The following GOT1L1 variants were observed in gnomAD, a reference collection of about 807,000 sequenced individuals.
The protein encoded by GOT1L1 is glutamic-oxaloacetic transaminase 1 like 1.
In GOT1L1, 38 loss-of-function variants were observed where a neutral mutation model predicts 43.6. The ratio of observed to expected loss-of-function variants is 0.87; its 90% CI spans 0.67 to 1.14. The LOEUF is 1.14. Ranked by LOEUF, GOT1L1 falls within the 50% of genes most tolerant of loss-of-function variation. The pLI, the probability that GOT1L1 is intolerant of heterozygous loss-of-function variation, is 0.00. For synonymous variants in GOT1L1, 183 were observed against 187.2 expected, an observed-to-expected ratio of 0.98 and a Z score of 0.18; for missense variants, 482 against 504.0, an observed-to-expected ratio of 0.96 and a Z score of 0.42.
rs201527994 is a variant in GOT1L1 at position 37,935,749 on chromosome 8, C to T, written c.884G>A (p.Arg295His). 141 of 1,610,628 alleles carry T rather than the reference C, an allele frequency of 8.8e-5. No individual in the cohort carries two copies. Among genetic ancestry groups the T allele is most frequent in the Non-Finnish European group, 1.0e-4 (121 of 1,178,422 alleles). The change falls in exon 7 of 9, where the codon CGT becomes CAT. Residue 295 changes from arginine to histidine, a missense_variant. By Grantham distance (29) the Arg-to-His change is conservative. Transcript: ENST00000307599. ...GTTGCAGAGGATGGAGGTGATGACACGTGCACCCGTGTTGGGGGGGTTTAG... is the reference window on the plus strand; with the variant it reads ...GTTGCAGAGGATGGAGGTGATGACATGTGCACCCGTGTTGGGGGGGTTTAG... ...LWLNPPNTGA[R>H]VITSILCNPA... is the part of the protein sequence containing the mutation.
At chr8:37,934,574 T>A (rs1807695293) in intron 8 of GOT1L1, 88 bp from the exon 9 acceptor site, 1 of 931,448 alleles carries the variant, frequency 1.1e-6, no homozygotes, top group Admixed American at 2.1e-5. Context: ...TATTTTTTTA[T>A]TGATTGATTG....
Position 37,935,830 on chromosome 8 carries a change from T to C in GOT1L1, c.803A>G (p.Asn268Ser). 1 of 1,613,158 alleles carries C rather than the reference T, an allele frequency of 6.2e-7. No individual in the cohort carries two copies. Among genetic ancestry groups the C allele is most frequent in the Non-Finnish European group, 8.5e-7 (1 of 1,179,528 alleles). ...VGMLVVVAVN[N>S]QQLLCVLSQL... ...GGAGAGGACACACAGCAGCTGCTGG[T>C]TGTTGACTGCCACCACCACTAGCAT... is the stretch of plus-strand genomic sequence containing the variant. Residue 268 changes from asparagine (N) to serine (S), a missense_variant, in exon 7 of 9, where the codon AAC becomes AGC. Transcript: ENST00000307599.
intron 6 of GOT1L1, 129 bp downstream of exon 6, chr8:37,936,591 T>G (rs1375198814): frequency 1.3e-6 from 1 of 779,056 alleles, no homozygotes; most frequent in Non-Finnish European, 2.0e-6. Flanking sequence ...GCTCCCCACT[T>G]CTGCTTCTAT....
In GOT1L1 at chr8:37,937,126, G is replaced by T. The variant is rs1203184936; in HGVS notation, c.520-69C>A. ...AGTGGCGGCCCCAGGGCATTTGGGG[G>T]TGAAGTGCTCCTCCATGTTAGTTAC... On this transcript the variant is annotated intron_variant, in intron 4 of 8. Transcript: ENST00000307599. The T allele has an allele frequency of 5.5e-6, 8 of 1,452,258 alleles. No individual in the cohort carries two copies. In the East Asian group the frequency reaches 1.6e-4, roughly 29 times the overall value. The allele number at this position is 1,452,258 out of a possible 1,614,324, so 90.0% of individuals were successfully genotyped here.
chr8:37,934,612 C>T (rs1324597541), intron 8 of GOT1L1, 126 bp from the exon 9 acceptor site: 1 of 760,862 alleles, frequency 1.3e-6, no homozygotes, highest in Non-Finnish European at 2.2e-6. Flanking sequence ...CTCTTGTTGC[C>T]CAGGCTGGAG....
intron 3 of GOT1L1, 89 bp from the exon 4 acceptor site, chr8:37,937,475 G>A (rs560294435): frequency 2.9e-6 from 3 of 1,017,916 alleles, no homozygotes; most frequent in Non-Finnish European, 4.4e-6. Context: ...AGAGTCACTG[G>A]CTGAAGGTGG....
At chr8:37,934,884 G>A (rs923673494) in intron 8 of GOT1L1, 189 bp downstream of exon 8, 2 of 642,400 alleles carry the variant, frequency 3.1e-6, no homozygotes, top group East Asian at 2.8e-5. Context: ...CACCCAGGCT[G>A]GTTTATGAAG....
chr8:37,937,918 GTA>G (rs1807807470), intron 2 of GOT1L1, among the ~76,000 whole-genome samples, 169 bp from the exon 3 acceptor site: 1 of 152,156 alleles, frequency 6.6e-6, no homozygotes, highest in East Asian at 1.9e-4. Flanking sequence ...TTGGGCATGT[GTA>G]ATCCCCGCTA....
At chr8:37,939,210 T>A (rs1344872427) in intron 1 of GOT1L1, among the ~76,000 whole-genome samples, 1 of 149,346 alleles carries the variant, frequency 6.7e-6, no homozygotes, top group Non-Finnish European at 1.5e-5. Context: ...AGTTCAGGAG[T>A]TCAAGATCAG....
At chr8:37,936,006 T>G in intron 6 of GOT1L1, 137 bp from the exon 7 acceptor site, 3 of 940,842 alleles carry the variant, frequency 3.2e-6, no homozygotes, top group Non-Finnish European at 4.6e-6. Context: ...CAGGGTGATA[T>G]TCAGGCTCCG....
chr8:37,936,876 G>C lies in GOT1L1; in HGVS notation c.613-6C>G, dbSNP rs1333945063. 1.2e-6 allele frequency: 2 copies of C among 1,611,606 alleles called. No individual in the cohort carries two copies. The highest frequency in any genetic ancestry group is 1.7e-6 in the Non-Finnish European group (2 of 1,178,020). ...AATGGGAATATCTGCTTGCTCTGTAGGAGAAAGGAGAACAAAAAAAGAATG... is the reference window on the plus strand; with the variant it reads ...AATGGGAATATCTGCTTGCTCTGTACGAGAAAGGAGAACAAAAAAAGAATG... On this transcript the variant is annotated splice_polypyrimidine_tract_variant and splice_region_variant and intron_variant, in intron 5 of 8. Coordinates refer to ENST00000307599, the MANE Select transcript of GOT1L1 (RefSeq NM_152413.3).
intron 6 of GOT1L1, 109 bp downstream of exon 6, chr8:37,936,611 C>G: frequency 3.0e-6 from 3 of 990,108 alleles, no homozygotes; most frequent in Non-Finnish European, 4.5e-6. Context: ...TAGTGCTCTC[C>G]CTAGAGTCCT....
chr8:37,935,929 C>T, intron 6 of GOT1L1, 60 bp from the exon 7 acceptor site: 1 of 1,559,590 alleles, frequency 6.4e-7, no homozygotes, highest in Non-Finnish European at 8.7e-7. Context: ...AAGGCCTTCA[C>T]CTAGATCTCA....
At position 37,936,888 on chromosome 8, in the gene GOT1L1, A is replaced by G. The variant is rs909718384; in HGVS notation, c.613-18T>C. 2 of 1,611,924 alleles carry G rather than the reference A, an allele frequency of 1.2e-6. No homozygotes were observed. Among genetic ancestry groups the G allele is most frequent in the Non-Finnish European group, 8.5e-7 (1 of 1,178,078 alleles). On this transcript the variant is annotated intron_variant, in intron 5 of 8. Transcript: ENST00000307599. Reference sequence around the variant, plus strand: ...TGCTTGCTCTGTAGGAGAAAGGAGAACAAAAAAAGAATGAGACAGATGGAG... The same window carrying G: ...TGCTTGCTCTGTAGGAGAAAGGAGAGCAAAAAAAGAATGAGACAGATGGAG...
At chr8:37,934,919 G>A (rs1166395605) in intron 8 of GOT1L1, 154 bp downstream of exon 8, 5 of 779,286 alleles carry the variant, frequency 6.4e-6, no homozygotes, top group Admixed American at 2.9e-5. Context: ...GTACTTCTGG[G>A]GGTCCAGAAG....
chr8:37,937,576 G>T, intron 3 of GOT1L1, 62 bp downstream of exon 3: 1 of 1,237,276 alleles, frequency 8.1e-7, no homozygotes, highest in Non-Finnish European at 1.2e-6. Context: ...GATGGCAAAT[G>T]GGGTGAGGAT....
Position 37,937,026 on chromosome 8 carries a change from C to G in GOT1L1, c.551G>C (p.Gly184Ala), listed in dbSNP as rs377738362. The G allele has an allele frequency of 5.0e-5, 80 of 1,613,816 alleles. No individual in the cohort carries two copies. The African/African-American group carries it at 5.9e-4, about 12-fold the overall frequency. The change falls in exon 5 of 9, where the codon GGG becomes GCG. Residue 184 changes from glycine to alanine, a missense_variant. Gly to Ala is a moderately conservative substitution (Grantham distance 60). Transcript: ENST00000307599. ...TGTCAACTTGCAGTCGATAATGTTC[C>G]CCATCACAAGGACACAGCCATGTGG... ...QIPHGCVLVM[G>A]NIIDCKLTPS... is the part of the protein sequence containing the mutation.
At position 37,937,050 on chromosome 8, in the gene GOT1L1, G is replaced by A. The variant is rs1413638289; in HGVS notation, c.527C>T (p.Pro176Leu). The change falls in exon 5 of 9, where the codon CCA (proline) becomes CTA (leucine). Residue 176 changes from proline to leucine, a missense_variant. Pro to Leu is a moderately conservative substitution (Grantham distance 98). Transcript: ENST00000307599. ...DILLNVVEQI[P>L]HGCVLVMGNI... ...CCCCATCACAAGGACACAGCCATGT[G>A]GGATCTGCTGCAGGTACAGACGGTC... The A allele has an allele frequency of 6.2e-7, 1 of 1,613,632 alleles. No individual in the cohort carries two copies. The highest frequency in any genetic ancestry group is 8.5e-7 in the Non-Finnish European group (1 of 1,179,802).
At chr8:37,938,934 G>T in intron 1 of GOT1L1, 53 bp from the exon 2 acceptor site, 3 of 1,547,082 alleles carry the variant, frequency 1.9e-6, no homozygotes, top group Non-Finnish European at 2.7e-6. Context: ...GGCCCCCAGG[G>T]CTGAGCTCTG....
Sources: gnomAD v4.1 joint callset for allele counts (sites outside exome capture counted in the v4.1 genomes callset) on GRCh38, gnomAD v4.1.1 for gene constraint, MANE v1.5 for transcripts, NCBI Gene and HGNC (gene_info 2026-07-23, HGNC 2026-07-21) for gene names.